PDE10A: variants seen among roughly 807,000 people sequenced by gnomAD.
The protein encoded by PDE10A is phosphodiesterase 10A.
In PDE10A, 39 loss-of-function variants were observed where a neutral mutation model predicts 97.7. The observed-to-expected ratio is 0.40, with a 90% CI of 0.31 to 0.52. PDE10A has a LOEUF of 0.52. PDE10A is among the 20% of genes least tolerant of loss of function. The pLI is 0.56. For synonymous variants in PDE10A, 371 were observed against 376.8 expected (o/e 0.98, Z 0.18); for missense variants, 731 against 1,047.8 (o/e 0.70, Z 4.17).
intron 1 of PDE10A, among the ~76,000 whole-genome samples, chr6:165,951,053 CT>C (rs1783941169): frequency 6.6e-6 from 1 of 152,150 alleles, no homozygotes; most frequent in Non-Finnish European, 1.5e-5. Context: ...ACTTTAAGCT[CT>C]AGAAGTCAGT....
chr6:165,618,955 CAGTGTAGACT>C (rs768065044), intron 1 of PDE10A, among the ~76,000 whole-genome samples: 6 of 95,124 alleles, frequency 6.3e-5, no homozygotes, highest in Admixed American at 1.9e-4. Flanking sequence ...TAGTGTAGTG[CAGTGTAGACT>C]AGTGTAGTGT....
At chr6:165,561,507 T>C (rs1158912617) in intron 1 of PDE10A, among the ~76,000 whole-genome samples, 6 of 152,158 alleles carry the variant, frequency 3.9e-5, no homozygotes, top group Admixed American at 3.9e-4. Flanking sequence ...GAATCACAAA[T>C]ACACCATCAG....
intron 1 of PDE10A, among the ~76,000 whole-genome samples, chr6:165,923,580 G>A (rs1054088581): frequency 1.3e-5 from 2 of 152,216 alleles, no homozygotes; most frequent in East Asian, 1.9e-4. Context: ...GGGAGGTGAC[G>A]GAACAGTCAG....
chr6:165,339,820 A>C (rs975670160), intron 19 of PDE10A, among the ~76,000 whole-genome samples: 2 of 152,250 alleles, frequency 1.3e-5, no homozygotes, highest in Non-Finnish European at 2.9e-5. Flanking sequence ...GACGCAGTAC[A>C]ACAAACTACA....
chr6:165,372,834 C>G (rs1784353629), intron 18 of PDE10A, among the ~76,000 whole-genome samples: 1 of 150,490 alleles, frequency 6.6e-6, no homozygotes, highest in Non-Finnish European at 1.5e-5. Flanking sequence ...AAGTATACTA[C>G]AAGGCTACAG....
chr6:165,574,787 T>A (rs1016377353), intron 1 of PDE10A, among the ~76,000 whole-genome samples: 5 of 152,218 alleles, frequency 3.3e-5, no homozygotes, highest in African/African-American at 1.2e-4. Flanking sequence ...ATACTGGTCA[T>A]ACAGCTAATA....
At chr6:165,787,613 C>G (rs191173793) in intron 1 of PDE10A, among the ~76,000 whole-genome samples, 1 of 152,284 alleles carries the variant, frequency 6.6e-6, no homozygotes, top group East Asian at 1.9e-4. Flanking sequence ...AATGCTACTT[C>G]GTAGGAGTGA....
At chr6:165,408,717 C>A (rs1298200612) in intron 13 of PDE10A, among the ~76,000 whole-genome samples, 1 of 151,934 alleles carries the variant, frequency 6.6e-6, no homozygotes, top group Non-Finnish European at 1.5e-5. Flanking sequence ...ATAAACCCAG[C>A]CACCAGTCTT....
chr6:165,499,608 A>G (rs1471850450), intron 2 of PDE10A, among the ~76,000 whole-genome samples: 1 of 152,212 alleles, frequency 6.6e-6, no homozygotes, highest in African/African-American at 2.4e-5. Context: ...GCAATGATCA[A>G]TGAATATTCA....
chr6:165,723,224 A>G (rs1334329367), intron 1 of PDE10A, among the ~76,000 whole-genome samples: 1 of 152,216 alleles, frequency 6.6e-6, no homozygotes, highest in Non-Finnish European at 1.5e-5. Flanking sequence ...TCTCCCAGAC[A>G]GGCAAAGCCA....
At chr6:165,896,076 C>G (rs984647656) in intron 1 of PDE10A, among the ~76,000 whole-genome samples, 1 of 152,188 alleles carries the variant, frequency 6.6e-6, no homozygotes. Flanking sequence ...ACATCCTGCC[C>G]GGGCCGTGGT....
chr6:165,596,793 T>G (rs1306457840), intron 1 of PDE10A, among the ~76,000 whole-genome samples: 1 of 152,130 alleles, frequency 6.6e-6, no homozygotes, highest in Non-Finnish European at 1.5e-5. Context: ...CCTGTCTTAC[T>G]CAGAGAGCAG....
chr6:165,405,344 A>G (rs1180103174), intron 13 of PDE10A, among the ~76,000 whole-genome samples: 1 of 152,228 alleles, frequency 6.6e-6, no homozygotes, highest in African/African-American at 2.4e-5. Context: ...AATGAAGCAA[A>G]TCAAATTTTA....
At chr6:165,856,680 C>T (rs1397494663) in intron 1 of PDE10A, among the ~76,000 whole-genome samples, 2 of 152,184 alleles carry the variant, frequency 1.3e-5, no homozygotes, top group Admixed American at 1.3e-4. Flanking sequence ...GTCTTTGGTT[C>T]GTGTTCCCCC....
In PDE10A at chr6:165,635,172, G is replaced by A. The variant is rs137900974; in HGVS notation, c.865+26775C>T. 3.1e-3 allele frequency among the ~76,000 whole-genome samples: 477 copies of A among 152,278 alleles called. 1 individual carries two copies. Among genetic ancestry groups the A allele is most frequent in the Middle Eastern group, 6.8e-3 (2 of 294 alleles). The stretch of plus-strand genomic sequence containing the variant: ...CAGCCTAAGGGCTTCCTTTAGGTAG[G>A]CGCAGTATTCTCCGTGGAAAAATGT... On this transcript the variant is annotated intron_variant, in intron 1 of 21. Coordinates refer to ENST00000539869, the MANE Select transcript of PDE10A (RefSeq NM_001385079.1).
chr6:165,364,718 A>T (rs1234786242), intron 18 of PDE10A, among the ~76,000 whole-genome samples: 1 of 152,216 alleles, frequency 6.6e-6, no homozygotes, highest in African/African-American at 2.4e-5. Flanking sequence ...GGCCAGGAAG[A>T]AAATATTGAT....
chr6:165,902,679 T>C (rs1323811456), intron 1 of PDE10A, among the ~76,000 whole-genome samples: 1 of 152,212 alleles, frequency 6.6e-6, no homozygotes, highest in Admixed American at 6.5e-5. Context: ...TTCCTCGCCA[T>C]CCTTCCCATT....
At chr6:165,694,167 G>C (rs9459477) in intron 1 of PDE10A, among the ~76,000 whole-genome samples, 101,930 of 152,150 alleles carry the variant, frequency 0.67, 37,543 homozygotes, top group Non-Finnish European at 0.84. Flanking sequence ...CCGTGCACAC[G>C]TATATCTCAT....
At chr6:165,787,835 G>A (rs1053709328) in intron 1 of PDE10A, among the ~76,000 whole-genome samples, 6 of 152,156 alleles carry the variant, frequency 3.9e-5, no homozygotes, top group African/African-American at 1.4e-4. Context: ...TAGAGATCAG[G>A]ACTAAAATCA....
Sources: gnomAD v4.1 joint callset for allele counts (sites outside exome capture counted in the v4.1 genomes callset) on GRCh38, gnomAD v4.1.1 for gene constraint, MANE v1.5 for transcripts, NCBI Gene and HGNC (gene_info 2026-07-23, HGNC 2026-07-21) for gene names.